The following RSPH14 variants were observed in gnomAD, a reference collection of about 807,000 sequenced individuals.
RSPH14 encodes rhabdoid tumor deletion region gene 1.
RSPH14 carries 20 observed loss-of-function variants against 26.7 expected under a neutral mutation model. The observed-to-expected ratio is 0.75, with a 90% CI of 0.53 to 1.09. The LOEUF (loss-of-function observed/expected upper bound fraction) is 1.09. RSPH14 is among the 50% of genes least tolerant of loss of function. The pLI, the probability that RSPH14 is intolerant of heterozygous loss-of-function variation, is 0.00. For synonymous variants in RSPH14, 177 were observed against 189.3 expected (o/e 0.93, Z 0.53); for missense variants, 449 against 457.2 (o/e 0.98, Z 0.16).
chr22:23,150,074 G>A, the RSPH14 span: 17 of 1,609,274 alleles, frequency 1.1e-5, 1 homozygote, highest in South Asian at 6.7e-5. Context: ...GGTACACGCC[G>A]GAAGCCTGTT....
At chr22:23,160,537 C>T in the RSPH14 span, among the ~76,000 whole-genome samples, 2 of 152,204 alleles carry the variant, frequency 1.3e-5, no homozygotes, top group Non-Finnish European at 2.9e-5. Flanking sequence ...TCCTGAGTTC[C>T]ACATCTTCCA....
the RSPH14 span, among the ~76,000 whole-genome samples, chr22:23,179,537 G>T: frequency 3.2e-3 from 489 of 152,296 alleles, 3 homozygotes; most frequent in African/African-American, 0.011. Flanking sequence ...GGCTAATCAG[G>T]GAAGTTCTGA....
intron 4 of RSPH14, among the ~76,000 whole-genome samples, chr22:23,072,047 C>G (rs1178058290): frequency 6.6e-6 from 1 of 152,066 alleles, no homozygotes; most frequent in Non-Finnish European, 1.5e-5. Flanking sequence ...TTCCATGACC[C>G]CATGAGCTGG....
At chr22:23,063,680 TC>T (rs890632456) in intron 5 of RSPH14, among the ~76,000 whole-genome samples, 72 of 152,226 alleles carry the variant, frequency 4.7e-4, no homozygotes, top group African/African-American at 1.7e-3. Flanking sequence ...TCTGGCTTTG[TC>T]CAGGCTGAGG....
the RSPH14 span, among the ~76,000 whole-genome samples, chr22:23,157,030 A>T: frequency 6.6e-6 from 1 of 152,300 alleles, no homozygotes; most frequent in South Asian, 2.1e-4. Flanking sequence ...CCCTGGGGGC[A>T]GTAGAGAGCA....
upstream of RSPH14, chr22:23,145,661 C>G: frequency 1.6e-6 from 2 of 1,277,020 alleles, no homozygotes; most frequent in South Asian, 2.9e-5. Flanking sequence ...CTTCCCGCCC[C>G]TATAACTTGA....
the RSPH14 span, chr22:23,161,905 G>T: frequency 6.2e-6 from 2 of 321,502 alleles, no homozygotes; most frequent in South Asian, 3.3e-5. Flanking sequence ...AAACTCCTGC[G>T]TCGGTCTATA....
intron 4 of RSPH14, among the ~76,000 whole-genome samples, chr22:23,090,018 ACCT>A (rs2068923311): frequency 6.6e-6 from 1 of 151,410 alleles, no homozygotes; most frequent in Admixed American, 6.6e-5. Flanking sequence ...GTCCTAAGCG[ACCT>A]CCTGGTGAAT....
chr22:23,091,980 G>GTTCCTCC lies in RSPH14; in HGVS notation c.422-27854_422-27848dup, dbSNP rs1254892905. Among the ~76,000 whole-genome samples, 7 of 152,142 alleles carry GTTCCTCC rather than the reference G, an allele frequency of 4.6e-5. No homozygotes were observed. In the East Asian group the frequency reaches 1.2e-3, roughly 25 times the overall value. On this transcript the variant is annotated intron_variant, in intron 4 of 6. Transcript: ENST00000216036. ...CACACACCGCAGGGCCTTACAGCAT[G>GTTCCTCC]TTCCTCCTCTGCCTGGCACACTCTT...
chr22:23,159,946 A>G, the RSPH14 span, among the ~76,000 whole-genome samples: 2 of 152,228 alleles, frequency 1.3e-5, no homozygotes, highest in African/African-American at 4.8e-5. Context: ...TAAATTACAA[A>G]AGCCAGGTGT....
At chr22:23,108,868 G>A (rs2069561043) in intron 4 of RSPH14, among the ~76,000 whole-genome samples, 1 of 152,258 alleles carries the variant, frequency 6.6e-6, no homozygotes, top group Admixed American at 6.5e-5. Context: ...GTACTCTGAA[G>A]TCAGGGTTTT....
rs1476035687 is a variant in RSPH14, at chr22:23,064,011, C to T, written c.544G>A (p.Asp182Asn). Residue 182 changes from aspartate to asparagine, a missense_variant, in exon 5 of 7, where the codon GAT becomes AAT. Asp to Asn is a conservative substitution (Grantham distance 23). Transcript: ENST00000216036. ...LDTLVLCLQE[D>N]ATEALGSNVV... is the part of the protein sequence containing the mutation. ...TTGCTGCCCAGGGCCTCGGTGGCATCCTCCTGCAGGCAGAGGACCAGTGTG... is the reference window on the plus strand; with the variant it reads ...TTGCTGCCCAGGGCCTCGGTGGCATTCTCCTGCAGGCAGAGGACCAGTGTG... The T allele has an allele frequency of 1.9e-6, 3 of 1,614,256 alleles. No individual in the cohort carries two copies. The Admixed American group carries it at 5.0e-5, about 27-fold the overall frequency.
chr22:23,142,324 A>ATT (rs1032559874), upstream of RSPH14, among the ~76,000 whole-genome samples: 11 of 148,000 alleles, frequency 7.4e-5, no homozygotes, highest in African/African-American at 2.5e-4. Context: ...GTTTCTCCCA[A>ATT]TTTTTTTTTT....
At chr22:23,145,530 C>G (rs1263794901), upstream of RSPH14, 1 of 1,602,938 alleles carries the variant, frequency 6.2e-7, no homozygotes. Context: ...GCGCGGAGCC[C>G]CAGCTTTCAC....
intron 4 of RSPH14, among the ~76,000 whole-genome samples, chr22:23,116,523 A>G (rs1336771972): frequency 2.0e-5 from 3 of 152,262 alleles, no homozygotes; most frequent in African/African-American, 4.8e-5. Context: ...TGGTCTTAGC[A>G]GGACACCTGT....
chr22:23,091,204 G>A (rs1472811598), intron 4 of RSPH14, among the ~76,000 whole-genome samples: 1 of 152,208 alleles, frequency 6.6e-6, no homozygotes, highest in Middle Eastern at 3.2e-3. Context: ...ACATGGATCT[G>A]CGCGTGCACA....
chr22:23,065,914 C>G (rs1054283365), intron 4 of RSPH14, among the ~76,000 whole-genome samples: 11 of 152,176 alleles, frequency 7.2e-5, no homozygotes, highest in African/African-American at 9.7e-5. Context: ...CCTACCACCC[C>G]TCCCGAGGCC....
At chr22:23,179,065 C>T in the RSPH14 span, among the ~76,000 whole-genome samples, 1 of 152,232 alleles carries the variant, frequency 6.6e-6, no homozygotes, top group Non-Finnish European at 1.5e-5. Flanking sequence ...CTGCTGAGGT[C>T]ACACAGCCAG....
the RSPH14 span, among the ~76,000 whole-genome samples, chr22:23,154,682 T>C: frequency 1.7e-3 from 259 of 152,320 alleles, no homozygotes; most frequent in Non-Finnish European, 3.2e-3. Flanking sequence ...TTGTCTTACA[T>C]TGAGGCCTTT....
Sources: allele counts gnomAD v4.1 joint callset (sites outside exome capture counted in the v4.1 genomes callset), GRCh38; gene constraint gnomAD v4.1.1; transcripts MANE v1.5; gene names NCBI Gene and HGNC (gene_info 2026-07-23, HGNC 2026-07-21).